Variants in RIMS2 observed in about 807,000 individuals in gnomAD.
The protein encoded by RIMS2 is regulating synaptic membrane exocytosis 2, also known as regulating synaptic membrane exocytosis protein 2.
Under a neutral mutation model 174.4 loss-of-function variants are expected in RIMS2, and 59 were observed. That is an observed-to-expected ratio of 0.34 (90% CI 0.27 to 0.42). The LOEUF is 0.42. Among genes scored for constraint, RIMS2 ranks in the 10% least tolerant of loss-of-function variants. The pLI is 1.00. For synonymous variants in RIMS2, 606 were observed against 572.5 expected (o/e 1.06, Z -0.84); for missense variants, 1,620 against 1,666.3 (o/e 0.97, Z 0.48).
At chr8:103,618,893 A>T (rs1340587204) in intron 1 of RIMS2, among the ~76,000 whole-genome samples, 1 of 152,146 alleles carries the variant, frequency 6.6e-6, no homozygotes, top group African/African-American at 2.4e-5. Context: ...TTGAGAATTC[A>T]ATTCAGGGAT....
chr8:103,589,340 A>AT (rs34430761), intron 1 of RIMS2, among the ~76,000 whole-genome samples: 151,638 of 151,648 alleles, frequency 1, 75,814 homozygotes, highest in Middle Eastern at 1. Context: ...GCTCTATATC[A>AT]TGATAATCAG....
chr8:103,807,862 T>G (rs1172217415), intron 3 of RIMS2, among the ~76,000 whole-genome samples: 1 of 152,202 alleles, frequency 6.6e-6, no homozygotes. Context: ...TCCTGATCTC[T>G]GTCCATATTT....
chr8:103,899,599 T>A (rs930396221), intron 4 of RIMS2, among the ~76,000 whole-genome samples: 1 of 151,616 alleles, frequency 6.6e-6, no homozygotes, highest in African/African-American at 2.4e-5. Context: ...GTTTGAGTTC[T>A]TTGTAGATTC....
At chr8:103,511,735 G>A (rs923552850) in intron 1 of RIMS2, among the ~76,000 whole-genome samples, 1 of 152,176 alleles carries the variant, frequency 6.6e-6, no homozygotes, top group Non-Finnish European at 1.5e-5. Context: ...TGTTAGGATA[G>A]ACTAGATATC....
At chr8:104,007,233 A>T (rs2095616955) in intron 17 of RIMS2, among the ~76,000 whole-genome samples, 1 of 152,116 alleles carries the variant, frequency 6.6e-6, no homozygotes, top group African/African-American at 2.4e-5. Context: ...TGTAATGTTT[A>T]TCATTCATAC....
At chr8:104,101,315 C>T (rs990667500) in intron 19 of RIMS2, among the ~76,000 whole-genome samples, 5 of 151,660 alleles carry the variant, frequency 3.3e-5, no homozygotes, top group African/African-American at 9.7e-5. Flanking sequence ...TTAGTAGAGA[C>T]AGCATTTTGC....
rs558635916 is a variant in RIMS2, at chr8:103,931,243, T to A, written c.2245-20T>A. ...TGTAGTAAATGTTTGAATTGATAAA[T>A]GAATATTTTTGCTTTTCAGATAAAA... On this transcript the variant is annotated intron_variant, in intron 11 of 23. Transcript: ENST00000504942. 6.4e-7 allele frequency: 1 copy of A among 1,562,722 alleles called. No individual in the cohort carries two copies. The highest frequency in any genetic ancestry group is 2.3e-5 in the East Asian group (1 of 44,126).
chr8:103,797,844 A>G (rs1253943313), intron 3 of RIMS2, among the ~76,000 whole-genome samples: 7 of 152,142 alleles, frequency 4.6e-5, no homozygotes, highest in African/African-American at 1.7e-4. Flanking sequence ...AGCGTGACCT[A>G]TGTCCCAGTT....
intron 3 of RIMS2, among the ~76,000 whole-genome samples, chr8:103,869,569 C>T (rs1276858286): frequency 4.6e-5 from 7 of 151,876 alleles, no homozygotes; most frequent in Non-Finnish European, 8.8e-5. Context: ...ATGATCTGCC[C>T]GCCTCAGCCT....
At chr8:103,704,390 G>T (rs1177197408) in intron 2 of RIMS2, among the ~76,000 whole-genome samples, 1 of 151,680 alleles carries the variant, frequency 6.6e-6, no homozygotes, top group Non-Finnish European at 1.5e-5. Context: ...TTGCATCTAT[G>T]TTCGTTCATC....
At chr8:103,634,982 A>G (rs943792560) in intron 1 of RIMS2, among the ~76,000 whole-genome samples, 1 of 151,976 alleles carries the variant, frequency 6.6e-6, no homozygotes, top group Non-Finnish European at 1.5e-5. Flanking sequence ...TTGCTACTCT[A>G]TGCTGTTTAA....
At chr8:104,252,080 C>A, downstream of RIMS2, 1 of 492,772 alleles carries the variant, frequency 2.0e-6, no homozygotes, top group Non-Finnish European at 3.6e-6. Context: ...CAATCTGAAG[C>A]CATGGATTAA....
At position 103,922,134 on chromosome 8, in the gene RIMS2, A is replaced by G. The variant is rs1180974904; in HGVS notation, c.2196+350A>G. ...AAGAGAAATAAAAATGTTGCACTAT[A>G]TAAAGATGGTATTTCAGATAAAAGT... is the stretch of plus-strand genomic sequence containing the variant. On this transcript the variant is annotated intron_variant, in intron 10 of 23. Transcript: ENST00000504942. 7 of 165,928 alleles carry G rather than the reference A, an allele frequency of 4.2e-5. No homozygotes were observed. In the South Asian group the frequency reaches 1.0e-3, roughly 25 times the overall value. 10.3% of individuals were successfully genotyped at this position (165,928 alleles called of 1,614,324 possible). A position where few individuals can be genotyped will look rare whatever the true frequency, so the allele number is the denominator to read the frequency against.
At chr8:103,712,897 G>T (rs1230171754) in intron 2 of RIMS2, among the ~76,000 whole-genome samples, 1 of 151,984 alleles carries the variant, frequency 6.6e-6, no homozygotes, top group African/African-American at 2.4e-5. Flanking sequence ...AAAAATAAAA[G>T]AATTTTTTTG....
rs118095086 is a variant in RIMS2, at chr8:103,947,566, C to T, written c.2701+4640C>T. ...AATGATAAGTATTTGTTTATCTAAA[C>T]GTATGTAAATATAGAAAAGGTACAG... On this transcript the variant is annotated intron_variant, in intron 14 of 23. Transcript: ENST00000504942. 3.6e-3 allele frequency among the ~76,000 whole-genome samples: 542 copies of T among 151,960 alleles called. 2 individuals are homozygous for T. The highest frequency in any genetic ancestry group is 5.8e-3 in the Non-Finnish European group (394 of 67,970).
chr8:103,754,291 C>A (rs200445169), intron 2 of RIMS2, among the ~76,000 whole-genome samples: 24 of 152,080 alleles, frequency 1.6e-4, no homozygotes, highest in East Asian at 3.9e-4. Flanking sequence ...GTGGTCTGAG[C>A]GACAGTTTGT....
intron 19 of RIMS2, among the ~76,000 whole-genome samples, chr8:104,114,194 T>A (rs1201399486): frequency 6.6e-6 from 1 of 152,052 alleles, no homozygotes; most frequent in African/African-American, 2.4e-5. Flanking sequence ...AAATTATTAT[T>A]TACCTTTAAG....
At chr8:104,023,464 G>T (rs1597304672) in intron 19 of RIMS2, among the ~76,000 whole-genome samples, 2 of 152,128 alleles carry the variant, frequency 1.3e-5, no homozygotes, top group African/African-American at 4.8e-5. Context: ...AGATATTGAA[G>T]ATAGAGCCAA....
chr8:103,867,958 T>C (rs1368291117), intron 3 of RIMS2, among the ~76,000 whole-genome samples: 3 of 152,026 alleles, frequency 2.0e-5, no homozygotes, highest in Non-Finnish European at 4.4e-5. Flanking sequence ...TAATAATTTT[T>C]AAAATGAAGA....
Sources: gnomAD v4.1 joint callset for allele counts (sites outside exome capture counted in the v4.1 genomes callset) on GRCh38, gnomAD v4.1.1 for gene constraint, MANE v1.5 for transcripts, NCBI Gene and HGNC (gene_info 2026-07-23, HGNC 2026-07-21) for gene names.